SRBD1: variants seen among roughly 807,000 people sequenced by gnomAD.
SRBD1 encodes the protein S1 RNA binding domain 1.
Under a neutral mutation model 115.3 loss-of-function variants are expected in SRBD1, and 88 were observed. That is an observed-to-expected ratio of 0.76 (90% CI 0.64 to 0.91). The LOEUF (loss-of-function observed/expected upper bound fraction) is 0.91, where lower values mean the gene tolerates loss of function less well. SRBD1 is among the 40% of genes least tolerant of loss of function. The pLI is 0.00. For missense variants in SRBD1, 1,385 were observed against 1,177.4 expected, an observed-to-expected ratio of 1.18 and a Z score of -2.58; for synonymous variants, 509 against 407.7, an observed-to-expected ratio of 1.25 and a Z score of -2.99.
At chr2:45,527,703 TC>T (rs1254161738) in intron 14 of SRBD1, among the ~76,000 whole-genome samples, 2 of 151,858 alleles carry the variant, frequency 1.3e-5, no homozygotes, top group Non-Finnish European at 2.9e-5. Context: ...ACTATTATTA[TC>T]CCCACTTCAG....
chr2:45,441,665 G>C (rs58397188), intron 16 of SRBD1, among the ~76,000 whole-genome samples: 5 of 152,090 alleles, frequency 3.3e-5, no homozygotes, highest in Non-Finnish European at 7.4e-5. Flanking sequence ...TTCGGCTTTT[G>C]GATTCTTCTT....
At chr2:45,526,482 G>C (rs1054481290) in intron 14 of SRBD1, among the ~76,000 whole-genome samples, 1 of 151,904 alleles carries the variant, frequency 6.6e-6, no homozygotes, top group Non-Finnish European at 1.5e-5. Context: ...GGAGAGAAGG[G>C]AGTGAGAGCT....
intron 4 of SRBD1, among the ~76,000 whole-genome samples, chr2:45,586,184 TAAAC>T (rs1288881074): frequency 1.3e-5 from 2 of 152,216 alleles, no homozygotes; most frequent in African/African-American, 2.4e-5. Flanking sequence ...TTACAATGCA[TAAAC>T]AAACTTTGGC....
intron 14 of SRBD1, among the ~76,000 whole-genome samples, chr2:45,505,145 T>C (rs143733221): frequency 6.6e-6 from 1 of 152,158 alleles, no homozygotes; most frequent in African/African-American, 2.4e-5. Context: ...ACAAATGCCC[T>C]CAGCCTCTTC....
intron 19 of SRBD1, among the ~76,000 whole-genome samples, chr2:45,409,982 A>C (rs1667550004): frequency 6.6e-6 from 1 of 152,188 alleles, no homozygotes; most frequent in African/African-American, 2.4e-5. Flanking sequence ...CTGGGAAAAA[A>C]TATTCATAAA....
chr2:45,419,857 T>C lies in SRBD1; in HGVS notation c.2087A>G (p.Asp696Gly), dbSNP rs1242829206. ...GCTGACACATTCTTCTACAACACTGTCCAGTGTTGCCTTGAGTAAAGTCTG... is the reference window on the plus strand; with the variant it reads ...GCTGACACATTCTTCTACAACACTGCCCAGTGTTGCCTTGAGTAAAGTCTG... ...VSQTLLKATL[D>G]SVVEECVSFV... is the part of the protein sequence containing the mutation. Residue 696 changes from aspartate (D) to glycine (G), a missense_variant, in exon 17 of 21, where the codon GAC (aspartate) becomes GGC (glycine). Asp to Gly is a moderately conservative substitution (Grantham distance 94). Transcript: ENST00000263736. The C allele has an allele frequency of 3.1e-6, 5 of 1,613,704 alleles. No homozygotes were observed. The highest frequency in any genetic ancestry group is 4.2e-6 in the Non-Finnish European group (5 of 1,179,850).
In SRBD1 at chr2:45,599,790, T is replaced by G; in HGVS notation, c.307A>C (p.Asn103His). ...IADTALEDRK[N>H]KLDTVQTLKT... is the part of the protein sequence containing the mutation. Reference sequence around the variant, plus strand: ...AGAGTCTGTACAGTATCCAATTTATTTTTTCTGTCTTCTAAAGCAGTATCA... The same window carrying G: ...AGAGTCTGTACAGTATCCAATTTATGTTTTCTGTCTTCTAAAGCAGTATCA... The change falls in exon 4 of 21, where the codon AAT becomes CAT. Residue 103 changes from asparagine to histidine, a missense_variant. By Grantham distance (68) the Asn-to-His change is moderately conservative. Transcript: ENST00000263736. 1.9e-6 allele frequency: 3 copies of G among 1,613,938 alleles called. No homozygotes were observed. Among genetic ancestry groups the G allele is most frequent in the Non-Finnish European group, 2.5e-6 (3 of 1,180,026 alleles).
At chr2:45,555,393 A>T (rs1012986419) in intron 10 of SRBD1, among the ~76,000 whole-genome samples, 1 of 151,942 alleles carries the variant, frequency 6.6e-6, no homozygotes, top group Non-Finnish European at 1.5e-5. Flanking sequence ...ACAAAAACAA[A>T]ACAAACAAAA....
At chr2:45,546,973 T>C in intron 13 of SRBD1, 134 bp from the exon 14 acceptor site, 1 of 791,020 alleles carries the variant, frequency 1.3e-6, no homozygotes, top group Non-Finnish European at 2.1e-6. Context: ...ACCTGTCCAC[T>C]GTTGCATAAG....
intron 19 of SRBD1, among the ~76,000 whole-genome samples, chr2:45,406,441 G>C (rs1308821732): frequency 6.6e-6 from 1 of 152,162 alleles, no homozygotes; most frequent in Non-Finnish European, 1.5e-5. Flanking sequence ...CAACAGTGTA[G>C]AGCAATACTC....
At chr2:45,451,963 T>C (rs1294986937) in intron 16 of SRBD1, among the ~76,000 whole-genome samples, 2 of 152,084 alleles carry the variant, frequency 1.3e-5, no homozygotes, top group East Asian at 3.9e-4. Context: ...CATTAAAATT[T>C]TGGGGGATCC....
intron 19 of SRBD1, among the ~76,000 whole-genome samples, chr2:45,396,522 T>C (rs1337719786): frequency 6.6e-6 from 1 of 152,208 alleles, no homozygotes; most frequent in Non-Finnish European, 1.5e-5. Context: ...AGTAAGAAAG[T>C]ACCATAAATG....
chr2:45,434,038 G>A (rs1457563479), intron 16 of SRBD1, among the ~76,000 whole-genome samples: 3 of 152,136 alleles, frequency 2.0e-5, no homozygotes. Flanking sequence ...TAAACAGGAA[G>A]ACATTCTCTT....
rs1673500628 is a variant in SRBD1 at position 45,585,746 on chromosome 2, G to A, written c.677C>T (p.Pro226Leu). 2 of 1,604,306 alleles carry A rather than the reference G, an allele frequency of 1.2e-6. No homozygotes were observed. The highest frequency in any genetic ancestry group is 4.5e-5 in the East Asian group (2 of 44,440). Reference protein sequence around the residue: ...QVLSERTNIEPWVCANIIRLF... With the variant: ...QVLSERTNIELWVCANIIRLF... ...ACGAATGATGTTGGCACAAACCCAA[G>A]GTTCAATATTAGTTCTCTCAGATAA... Residue 226 changes from proline to leucine, a missense_variant, in exon 5 of 21, where the codon CCT becomes CTT. Physicochemically the swap from Pro to Leu is moderately conservative, Grantham distance 98. Transcript: ENST00000263736.
At chr2:45,460,502 A>G (rs1669280987) in intron 16 of SRBD1, among the ~76,000 whole-genome samples, 1 of 152,180 alleles carries the variant, frequency 6.6e-6, no homozygotes, top group African/African-American at 2.4e-5. Context: ...GGAAATGCTG[A>G]GGAAGGCAGG....
At chr2:45,555,063 C>T (rs1672429997) in intron 10 of SRBD1, among the ~76,000 whole-genome samples, 1 of 151,700 alleles carries the variant, frequency 6.6e-6, no homozygotes, top group African/African-American at 2.4e-5. Context: ...CACAAATTTC[C>T]AGCTCCTTTC....
chr2:45,530,623 T>C (rs1367770944), intron 14 of SRBD1, among the ~76,000 whole-genome samples: 1 of 152,040 alleles, frequency 6.6e-6, no homozygotes, highest in African/African-American at 2.4e-5. Context: ...AAGAAGATGC[T>C]ATTAACTGTG....
At chr2:45,427,088 A>C (rs1668176502) in intron 16 of SRBD1, among the ~76,000 whole-genome samples, 1 of 152,224 alleles carries the variant, frequency 6.6e-6, no homozygotes, top group African/African-American at 2.4e-5. Flanking sequence ...CAATACAAGG[A>C]AACTAAGAAC....
At chr2:45,488,130 A>G in intron 15 of SRBD1, 110 bp downstream of exon 15, 2 of 829,862 alleles carry the variant, frequency 2.4e-6, no homozygotes, top group Non-Finnish European at 3.9e-6. Context: ...ATTCTTATGC[A>G]TGTAGTATAA....
Sources: allele counts gnomAD v4.1 joint callset (sites outside exome capture counted in the v4.1 genomes callset), GRCh38; gene constraint gnomAD v4.1.1; transcripts MANE v1.5; gene names NCBI Gene and HGNC (gene_info 2026-07-23, HGNC 2026-07-21).